Variants in DIP2A observed in about 807,000 individuals in gnomAD.
DIP2A encodes disco-interacting protein 2 homolog A.
DIP2A carries 85 observed loss-of-function variants against 177.4 expected under a neutral mutation model. That is an observed-to-expected ratio of 0.48 (90% CI 0.40 to 0.57). The LOEUF is 0.57. DIP2A is among the 20% of genes least tolerant of loss of function. The pLI is 0.00. For missense variants in DIP2A, 1,791 were observed against 2,100.2 expected, an observed-to-expected ratio of 0.85 and a Z score of 2.88; for synonymous variants, 886 against 881.8, an observed-to-expected ratio of 1.00 and a Z score of -0.08.
intron 1 of DIP2A, among the ~76,000 whole-genome samples, chr21:46,483,423 A>T (rs891319477): frequency 7.9e-5 from 12 of 150,950 alleles, no homozygotes; most frequent in African/African-American, 2.9e-4. Flanking sequence ...TAAGCATGAG[A>T]GGCTTGGGAG....
In DIP2A at chr21:46,484,793, C is replaced by T. The variant is rs747118563; in HGVS notation, c.128C>T (p.Ala43Val). The T allele has an allele frequency of 2.5e-6, 4 of 1,584,772 alleles. No individual in the cohort carries two copies. The highest frequency in any genetic ancestry group is 2.6e-6 in the Non-Finnish European group (3 of 1,165,080). ...CAAAAAGGATATGAAAAGAAAAGGG[C>T]AAAGCTGCTTGCACGTTATATACCG... Reference protein sequence around the residue: ...ITQKGYEKKRAKLLARYIPLI... With the variant: ...ITQKGYEKKRVKLLARYIPLI... The change falls in exon 2 of 38, where the codon GCA becomes GTA. Residue 43 changes from alanine (A) to valine (V), a missense_variant. Coordinates refer to ENST00000417564, the MANE Select transcript of DIP2A (RefSeq NM_015151.4).
intron 1 of DIP2A, among the ~76,000 whole-genome samples, chr21:46,476,248 A>C (rs1162990291): frequency 6.6e-6 from 1 of 152,142 alleles, no homozygotes; most frequent in Non-Finnish European, 1.5e-5. Context: ...GTCTCAAAAA[A>C]AAAAAAAATT....
At chr21:46,554,760 G>T in intron 27 of DIP2A, 62 bp from the exon 28 acceptor site, 1 of 1,545,018 alleles carries the variant, frequency 6.5e-7, no homozygotes, top group Non-Finnish European at 8.7e-7. Context: ...GCCCTCCGCT[G>T]CCCCCTTTTC....
Position 46,505,834 on chromosome 21 carries a change from G to A in DIP2A, c.784+1345G>A, listed in dbSNP as rs556085131. On this transcript the variant is annotated intron_variant, in intron 6 of 37. Coordinates refer to ENST00000417564, the MANE Select transcript of DIP2A (RefSeq NM_015151.4). ...ATAAAAGGAATCATACAGCGTTTAC[G>A]TTTATGGTCTGCCTTCTACCACTCT... Among the ~76,000 whole-genome samples the A allele has an allele frequency of 1.5e-3, 235 of 152,290 alleles. 1 individual carries two copies. The highest frequency in any genetic ancestry group is 0.01 in the Middle Eastern group (3 of 294).
the DIP2A span, among the ~76,000 whole-genome samples, chr21:46,576,985 T>C: frequency 6.6e-6 from 1 of 152,226 alleles, no homozygotes; most frequent in Non-Finnish European, 1.5e-5. Flanking sequence ...TGGTTTTTTC[T>C]TGTATATTTG....
the DIP2A span, among the ~76,000 whole-genome samples, chr21:46,583,488 A>C: frequency 6.6e-6 from 1 of 152,206 alleles, no homozygotes; most frequent in Admixed American, 6.5e-5. Flanking sequence ...ATTTAAAAGG[A>C]TATAATACAT....
intron 3 of DIP2A, among the ~76,000 whole-genome samples, chr21:46,492,068 A>G (rs2057044382): frequency 6.6e-6 from 1 of 151,916 alleles, no homozygotes; most frequent in East Asian, 1.9e-4. Flanking sequence ...GATTACAAAG[A>G]TTCTCTCTTG....
At chr21:46,567,238 T>G in intron 37 of DIP2A, 132 bp from the exon 38 acceptor site, 3 of 1,330,996 alleles carry the variant, frequency 2.3e-6, no homozygotes, top group South Asian at 2.9e-5. Flanking sequence ...ATCTTTAGAT[T>G]GTAAATGGCC....
chr21:46,499,192 T>C (rs969557604), intron 5 of DIP2A, among the ~76,000 whole-genome samples: 1 of 152,238 alleles, frequency 6.6e-6, no homozygotes, highest in African/African-American at 2.4e-5. Flanking sequence ...GTCCTTTTGG[T>C]AACAAAAGTA....
the DIP2A span, among the ~76,000 whole-genome samples, chr21:46,579,875 G>T: frequency 6.6e-6 from 1 of 152,140 alleles, no homozygotes; most frequent in African/African-American, 2.4e-5. Context: ...CCAATTATGT[G>T]ATCAGTTTTA....
At position 46,493,368 on chromosome 21, in the gene DIP2A, G is replaced by A. The variant is rs78464658; in HGVS notation, c.283+2649G>A. ...AGCAATAATGTTTAGGGGAATCACA[G>A]TAACTTCCAAATCCATCACAAGGGT... On this transcript the variant is annotated intron_variant, in intron 3 of 37. Coordinates refer to ENST00000417564, the MANE Select transcript of DIP2A (RefSeq NM_015151.4). 3.7e-3 allele frequency among the ~76,000 whole-genome samples: 567 copies of A among 152,086 alleles called. 2 individuals are homozygous for A. The highest frequency in any genetic ancestry group is 0.013 in the African/African-American group (548 of 41,492).
chr21:46,554,727 T>C (rs1285505289), intron 27 of DIP2A, 31 bp downstream of exon 27: 2 of 1,553,250 alleles, frequency 1.3e-6, no homozygotes, highest in East Asian at 4.9e-5. Context: ...GGTCAGAGTC[T>C]GTGAGTGGGA....
At chr21:46,523,279 G>A (rs1227900363) in intron 8 of DIP2A, among the ~76,000 whole-genome samples, 2 of 151,776 alleles carry the variant, frequency 1.3e-5, no homozygotes, top group African/African-American at 4.8e-5. Context: ...CTGTCGCCCA[G>A]GCTGGAGTGC....
At chr21:46,530,752 CA>C (rs2059322794) in intron 9 of DIP2A, among the ~76,000 whole-genome samples, 1 of 152,020 alleles carries the variant, frequency 6.6e-6, no homozygotes, top group African/African-American at 2.4e-5. Context: ...GGATGCACAC[CA>C]AAACGCATGC....
intron 9 of DIP2A, 28 bp downstream of exon 9, chr21:46,529,211 G>T: frequency 7.3e-7 from 1 of 1,361,272 alleles, no homozygotes; most frequent in East Asian, 2.5e-5. Context: ...CACTTTGTTG[G>T]AAGGAGCAAA....
intron 1 of DIP2A, among the ~76,000 whole-genome samples, chr21:46,468,261 CAAAAAAAAA>C (rs1207842729): frequency 1.1e-5 from 1 of 87,848 alleles, no homozygotes; most frequent in African/African-American, 4.7e-5. Context: ...GAGACTGTCT[CAAAAAAAAA>C]AAAAAAAAAA....
At chr21:46,509,159 C>A in intron 6 of DIP2A, 98 bp from the exon 7 acceptor site, 1 of 1,318,752 alleles carries the variant, frequency 7.6e-7, no homozygotes, top group African/African-American at 1.5e-5. Context: ...GATTTGTAAG[C>A]TCTGATGCAT....
At position 46,568,626 on chromosome 21, in the gene DIP2A, A is replaced by G. The variant is rs1260044742; in HGVS notation, c.*1004A>G. The G allele has an allele frequency of 6.6e-6, 1 of 152,276 alleles. No individual in the cohort carries two copies. The highest frequency in any genetic ancestry group is 1.5e-5 in the Non-Finnish European group (1 of 68,050). 9.4% of individuals were successfully genotyped at this position (152,276 alleles called of 1,614,324 possible). On this transcript the variant is annotated 3_prime_UTR_variant, in exon 38 of 38. Coordinates refer to ENST00000417564, the MANE Select transcript of DIP2A (RefSeq NM_015151.4). Reference sequence around the variant, plus strand: ...TTAGATGCTTTGTTTCAGAAAGATAAGCCAGCATTTAGTTTTAAATCACTT... The same window carrying G: ...TTAGATGCTTTGTTTCAGAAAGATAGGCCAGCATTTAGTTTTAAATCACTT...
chr21:46,561,893 G>C, intron 34 of DIP2A, 88 bp downstream of exon 34: 1 of 1,569,364 alleles, frequency 6.4e-7, no homozygotes, highest in Non-Finnish European at 8.6e-7. Flanking sequence ...GGGGGCTGCG[G>C]CTCTGATGAA....
Sources: allele counts gnomAD v4.1 joint callset (sites outside exome capture counted in the v4.1 genomes callset), GRCh38; gene constraint gnomAD v4.1.1; transcripts MANE v1.5; gene names NCBI Gene and HGNC (gene_info 2026-07-23, HGNC 2026-07-21).